The following GRM7 variants were observed in gnomAD, a reference collection of about 807,000 sequenced individuals.
GRM7 encodes glutamate metabotropic receptor 7.
In GRM7, 35 loss-of-function variants were observed where a neutral mutation model predicts 84.5. That is an observed-to-expected ratio of 0.41 (90% confidence interval 0.32 to 0.55). GRM7 has a LOEUF of 0.55. Among genes scored for constraint, GRM7 ranks in the 20% least tolerant of loss-of-function variants. The pLI, the probability that GRM7 is intolerant of heterozygous loss-of-function variation, is 0.19. For missense variants in GRM7, 1,003 were observed against 1,194.6 expected, an observed-to-expected ratio of 0.84 and a Z score of 2.36; for synonymous variants, 487 against 455.1, an observed-to-expected ratio of 1.07 and a Z score of -0.89.
intron 7 of GRM7, among the ~76,000 whole-genome samples, chr3:7,532,675 T>A (rs1701084436): frequency 6.6e-6 from 1 of 151,854 alleles, no homozygotes; most frequent in Admixed American, 6.6e-5. Context: ...TTTGAATTTG[T>A]TTGCTCTTGT....
chr3:7,348,893 A>G (rs762680757), intron 4 of GRM7, among the ~76,000 whole-genome samples: 1 of 152,180 alleles, frequency 6.6e-6, no homozygotes, highest in Non-Finnish European at 1.5e-5. Flanking sequence ...CAAAGAGAAC[A>G]TGAATAACAT....
chr3:7,426,183 G>A (rs563359157), intron 5 of GRM7, among the ~76,000 whole-genome samples: 11 of 151,326 alleles, frequency 7.3e-5, no homozygotes, highest in Admixed American at 3.3e-4. Flanking sequence ...GCAATGGTGC[G>A]ATCTCGGCTC....
chr3:7,064,334 A>G (rs1697547546), intron 1 of GRM7, among the ~76,000 whole-genome samples: 1 of 150,364 alleles, frequency 6.7e-6, no homozygotes, highest in Non-Finnish European at 1.5e-5. Context: ...AACATATGAC[A>G]TTTGGTTTTC....
chr3:6,914,327 C>T (rs150834269), intron 1 of GRM7, among the ~76,000 whole-genome samples: 1 of 152,292 alleles, frequency 6.6e-6, no homozygotes, highest in East Asian at 1.9e-4. Flanking sequence ...TAACTTACTT[C>T]ATTTTATGCT....
chr3:6,977,800 C>A (rs923614712), intron 1 of GRM7, among the ~76,000 whole-genome samples: 13 of 152,080 alleles, frequency 8.5e-5, no homozygotes, highest in African/African-American at 2.9e-4. Flanking sequence ...ATCATAAATT[C>A]TTGGAAAAGT....
intron 2 of GRM7, among the ~76,000 whole-genome samples, chr3:7,242,740 A>G (rs1697606022): frequency 1.3e-5 from 2 of 152,124 alleles, no homozygotes; most frequent in African/African-American, 2.4e-5. Context: ...GATTATTTTT[A>G]TGCAAAACAA....
chr3:7,461,155 CATTA>C (rs1698230455), intron 6 of GRM7, among the ~76,000 whole-genome samples: 1 of 152,120 alleles, frequency 6.6e-6, no homozygotes, highest in Non-Finnish European at 1.5e-5. Flanking sequence ...TCTCTTTTAA[CATTA>C]ATTTGTTGTT....
intron 2 of GRM7, among the ~76,000 whole-genome samples, chr3:7,239,915 T>A (rs1697485830): frequency 6.6e-6 from 1 of 152,172 alleles, no homozygotes; most frequent in Non-Finnish European, 1.5e-5. Context: ...TAACTTTTGA[T>A]CATATTTTTA....
chr3:6,971,336 T>C (rs2125094178), intron 1 of GRM7, among the ~76,000 whole-genome samples: 1 of 152,282 alleles, frequency 6.6e-6, no homozygotes, highest in East Asian at 1.9e-4. Flanking sequence ...AATTACAACC[T>C]CATAGAAATG....
Position 7,151,338 on chromosome 3 carries a change from C to T in GRM7, c.736+4670C>T, listed in dbSNP as rs1343580491. ...GGGAGAACTGCTTGAACCCAGGAGGCGGAGGTTGCAGTGAGCCGAGATTGC... is the reference window on the plus strand; with the variant it reads ...GGGAGAACTGCTTGAACCCAGGAGGTGGAGGTTGCAGTGAGCCGAGATTGC... On this transcript the variant is annotated intron_variant, in intron 2 of 9. Transcript: ENST00000357716. The surrounding 1 kb of genome is among the most constrained non-coding windows in gnomAD (Gnocchi z 4.5). Among the ~76,000 whole-genome samples, 7 of 152,056 alleles carry T rather than the reference C, an allele frequency of 4.6e-5. No individual in the cohort carries two copies. Among genetic ancestry groups the T allele is most frequent in the African/African-American group, 7.2e-5 (3 of 41,404 alleles).
At chr3:7,364,276 C>G (rs1693786209) in intron 4 of GRM7, among the ~76,000 whole-genome samples, 1 of 151,806 alleles carries the variant, frequency 6.6e-6, no homozygotes, top group Non-Finnish European at 1.5e-5. Context: ...CTCCTTTACC[C>G]CATTAAGAAT....
intron 2 of GRM7, among the ~76,000 whole-genome samples, chr3:7,215,134 A>G (rs1420952560): frequency 6.6e-6 from 1 of 152,230 alleles, no homozygotes; most frequent in Non-Finnish European, 1.5e-5. Flanking sequence ...AGTTTGCTAT[A>G]ACATGTATTT....
At chr3:6,954,329 T>C (rs908015615) in intron 1 of GRM7, among the ~76,000 whole-genome samples, 2 of 152,186 alleles carry the variant, frequency 1.3e-5, no homozygotes, top group East Asian at 3.9e-4. Flanking sequence ...TTTTCTGCAA[T>C]TAACTTATGT....
At chr3:7,106,800 CG>C (rs1692662423) in intron 1 of GRM7, among the ~76,000 whole-genome samples, 1 of 151,954 alleles carries the variant, frequency 6.6e-6, no homozygotes, top group African/African-American at 2.4e-5. Context: ...ATGCATATTG[CG>C]TTTTCTATTT....
chr3:7,591,174 T>C (rs996747434), intron 8 of GRM7, among the ~76,000 whole-genome samples: 11 of 152,060 alleles, frequency 7.2e-5, no homozygotes, highest in African/African-American at 2.2e-4. Context: ...GCTGAGGGAG[T>C]ATGTCATGAA....
intron 1 of GRM7, among the ~76,000 whole-genome samples, chr3:6,887,761 G>A (rs935405543): frequency 6.6e-6 from 1 of 152,138 alleles, no homozygotes; most frequent in African/African-American, 2.4e-5. Flanking sequence ...TGGGATGGCT[G>A]GGTCAAATGG....
chr3:7,293,011 G>T (rs1463394542), intron 2 of GRM7, among the ~76,000 whole-genome samples: 1 of 145,706 alleles, frequency 6.9e-6, no homozygotes, highest in Non-Finnish European at 1.5e-5. Context: ...TGCAGCCTGG[G>T]GGACAAGAGC....
intron 4 of GRM7, among the ~76,000 whole-genome samples, chr3:7,313,187 C>T (rs185560577): frequency 6.6e-6 from 1 of 152,240 alleles, no homozygotes; most frequent in African/African-American, 2.4e-5. Flanking sequence ...CCTCAGCCCC[C>T]CAAAGTGCTG....
At chr3:7,305,011 C>T (rs12489404) in intron 3 of GRM7, among the ~76,000 whole-genome samples, 71,998 of 151,972 alleles carry the variant, frequency 0.47, 18,743 homozygotes, top group Non-Finnish European at 0.6. Context: ...TTGGCCATTC[C>T]ATCAGAGGAC....
Sources: gnomAD v4.1 joint callset for allele counts (sites outside exome capture counted in the v4.1 genomes callset) on GRCh38, gnomAD v4.1.1 for gene constraint, Gnocchi (gnomAD v3.1) non-coding constraint, MANE v1.5 for transcripts, NCBI Gene and HGNC (gene_info 2026-07-23, HGNC 2026-07-21) for gene names.